The following PROCR variants were observed in gnomAD, a reference collection of about 807,000 sequenced individuals.
PROCR encodes protein C receptor.
A neutral mutation model predicts 24.2 loss-of-function variants in PROCR; 22 were observed. That is an observed-to-expected ratio of 0.91 (90% confidence interval 0.65 to 1.30). PROCR has a LOEUF of 1.30. Ranked by LOEUF, PROCR falls within the 50% of genes most tolerant of loss-of-function variation. The pLI, the probability that PROCR is intolerant of heterozygous loss-of-function variation, is 0.00. For missense variants in PROCR, 288 were observed against 307.7 expected, an observed-to-expected ratio of 0.94 and a Z score of 0.48; for synonymous variants, 137 against 139.2, an observed-to-expected ratio of 0.98 and a Z score of 0.11.
chr20:35,214,324 T>G (rs976299850), intron 1 of PROCR, among the ~76,000 whole-genome samples: 5 of 152,186 alleles, frequency 3.3e-5, no homozygotes, highest in African/African-American at 1.2e-4. Context: ...TTTTTACCAC[T>G]TAACATTACA....
downstream of PROCR, among the ~76,000 whole-genome samples, chr20:35,178,511 T>TTTTTTTTTTG (rs1568592399): frequency 8.6e-4 from 37 of 42,914 alleles, 4 homozygotes; most frequent in African/African-American, 7.3e-3. Flanking sequence ...GTCTCAGTTT[T>TTTTTTTTTTG]TTTTTTTTTT....
intron 1 of PROCR, among the ~76,000 whole-genome samples, chr20:35,205,786 T>TATAC (rs1568600706): frequency 1.5e-5 from 2 of 134,764 alleles, no homozygotes; most frequent in African/African-American, 5.9e-5. Flanking sequence ...TATATATATA[T>TATAC]ATGTATATAT....
chr20:35,205,113 A>C (rs571605123), intron 1 of PROCR, among the ~76,000 whole-genome samples: 4 of 151,784 alleles, frequency 2.6e-5, no homozygotes, highest in African/African-American at 9.7e-5. Context: ...TCTCTACTAA[A>C]AATACAAAAA....
intron 1 of PROCR, among the ~76,000 whole-genome samples, chr20:35,197,976 A>T (rs1211798617): frequency 6.6e-6 from 1 of 151,848 alleles, no homozygotes; most frequent in Non-Finnish European, 1.5e-5. Context: ...TTGTAAATGC[A>T]AAGTAAAAGT....
chr20:35,175,666 C>T (rs2086007412), intron 2 of PROCR, among the ~76,000 whole-genome samples: 1 of 140,482 alleles, frequency 7.1e-6, no homozygotes, highest in South Asian at 2.4e-4. Context: ...CTCACTGCAA[C>T]TTCCGCCTCC....
chr20:35,174,709 A>G lies in PROCR; in HGVS notation c.78A>G (p.Gln26=). ...FCSQDASDGL[Q]RLHMLQISYF... ...AGCTGACTCTGCCCGCAGGCCTCCA[A>G]AGACTTCATATGCTCCAGATCTCCT... The change falls in exon 2 of 4, where the codon CAA becomes CAG. Residue 26 remains glutamine (Q), a synonymous_variant. Coordinates refer to ENST00000216968, the MANE Select transcript of PROCR (RefSeq NM_006404.5). 3.1e-6 allele frequency: 5 copies of G among 1,613,946 alleles called. No homozygotes were observed. The highest frequency in any genetic ancestry group is 4.2e-6 in the Non-Finnish European group (5 of 1,179,982).
At chr20:35,199,811 C>T (rs2060312336) in intron 1 of PROCR, among the ~76,000 whole-genome samples, 1 of 151,362 alleles carries the variant, frequency 6.6e-6, no homozygotes, top group Admixed American at 6.6e-5. Context: ...TCTGGATGAT[C>T]TGGGCAAAGT....
At chr20:35,191,573 C>T (rs191863004) in intron 1 of PROCR, among the ~76,000 whole-genome samples, 11 of 152,106 alleles carry the variant, frequency 7.2e-5, no homozygotes, top group Non-Finnish European at 1.5e-4. Context: ...CAGGGCAGGC[C>T]TCTGGAATAA....
chr20:35,206,474 CA>C lies in PROCR; in HGVS notation c.95-9396del, dbSNP rs34186603. On this transcript the variant is annotated intron_variant, in intron 1 of 1. Coordinates refer to the PROCR transcript ENST00000634509. ...TGGGCAACAGTGTGAGACTCTATCT[CA>C]AAAAAAAAAAAAAAAAAAAAAACTC... Among the ~76,000 whole-genome samples the C allele has an allele frequency of 6.0e-3, 410 of 68,680 alleles. 3 individuals carry two copies. Among genetic ancestry groups the C allele is most frequent in the African/African-American group, 0.012 (214 of 18,258 alleles). 45.1% of individuals were successfully genotyped at this position (68,680 alleles called of 152,430 possible).
chr20:35,201,648 A>G (rs1329242975), intron 1 of PROCR: 1 of 151,928 alleles, frequency 6.6e-6, no homozygotes, highest in South Asian at 2.1e-4. Context: ...AGATCATGCC[A>G]TTGCATTCCA....
chr20:35,180,736 A>C (rs1375979057), downstream of PROCR, among the ~76,000 whole-genome samples: 1 of 152,198 alleles, frequency 6.6e-6, no homozygotes, highest in African/African-American at 2.4e-5. Flanking sequence ...GGACCATGGC[A>C]GCAGCCTCCT....
intron 1 of PROCR, among the ~76,000 whole-genome samples, chr20:35,206,474 C>CAAAAAA (rs34186603): frequency 2.9e-5 from 2 of 68,736 alleles, no homozygotes; most frequent in Non-Finnish European, 5.4e-5. Context: ...GACTCTATCT[C>CAAAAAA]AAAAAAAAAA....
chr20:35,215,174 G>A (rs1215689001), intron 1 of PROCR, among the ~76,000 whole-genome samples: 1 of 152,064 alleles, frequency 6.6e-6, no homozygotes, highest in African/African-American at 2.4e-5. Context: ...CCTCCCAAAG[G>A]TGCTGGGATT....
intron 1 of PROCR, among the ~76,000 whole-genome samples, chr20:35,182,973 C>CAAAA (rs71333786): frequency 1.8e-5 from 2 of 110,770 alleles, no homozygotes; most frequent in African/African-American, 3.0e-5. Context: ...GACTCCGTCT[C>CAAAA]AAAAAAAAAA....
chr20:35,181,399 C>T (rs1047142218), downstream of PROCR, among the ~76,000 whole-genome samples: 2 of 151,866 alleles, frequency 1.3e-5, no homozygotes, highest in East Asian at 1.9e-4. Context: ...CTCAGCCTCC[C>T]AAGTAGCTGG....
intron 1 of PROCR, among the ~76,000 whole-genome samples, chr20:35,173,423 CTTTT>C (rs58785250): frequency 6.8e-5 from 6 of 88,150 alleles, no homozygotes; most frequent in African/African-American, 2.0e-4. Flanking sequence ...TTTCTTTTTT[CTTTT>C]TTTTTTTTTT....
At chr20:35,202,569 T>C (rs1459699217) in intron 1 of PROCR, 1 of 152,082 alleles carries the variant, frequency 6.6e-6, no homozygotes, top group Non-Finnish European at 1.5e-5. Context: ...AAATGTCTTA[T>C]GGTTTAAGGA....
chr20:35,206,385 C>T, intron 1 of PROCR, among the ~76,000 whole-genome samples: 1 of 141,692 alleles, frequency 7.1e-6, no homozygotes, highest in South Asian at 2.3e-4. Flanking sequence ...TGAGGCAGGA[C>T]AATCACTTGA....
In PROCR at chr20:35,177,150, C is replaced by A; in HGVS notation, c.*337C>A. 8.6e-7 allele frequency: 1 copy of A among 1,163,030 alleles called. No individual in the cohort carries two copies. Among genetic ancestry groups the A allele is most frequent in the African/African-American group, 1.6e-5 (1 of 62,642 alleles). The allele number at this position is 1,163,030 out of a possible 1,614,324, so 72.0% of individuals were successfully genotyped here. ...CAAAGACAGACAGAATCACCTGAGG[C>A]GTTCAAAAGATATAACCAAATAAAC... On this transcript the variant is annotated 3_prime_UTR_variant, in exon 4 of 4. Transcript: ENST00000216968.
Sources: gnomAD v4.1 joint callset for allele counts (sites outside exome capture counted in the v4.1 genomes callset) on GRCh38, gnomAD v4.1.1 for gene constraint, MANE v1.5 for transcripts, NCBI Gene and HGNC (gene_info 2026-07-23, HGNC 2026-07-21) for gene names.